The following FIRRM variants were observed in gnomAD, a reference collection of about 807,000 sequenced individuals.
The protein encoded by FIRRM is FIGNL1 interacting regulator of recombination and mitosis, also known as FIGNL1-interacting regulator of recombination and mitosis.
the FIRRM span, chr1:169,851,634 AG>A: frequency 1.4e-6 from 1 of 696,504 alleles, no homozygotes; most frequent in Non-Finnish European, 2.3e-6. Context: ...CTATTTTGTA[AG>A]GAAGAACACA....
At chr1:169,804,073 A>G in the FIRRM span, 1 of 1,451,768 alleles carries the variant, frequency 6.9e-7, no homozygotes, top group Non-Finnish European at 9.1e-7. Flanking sequence ...ATCCGTAATC[A>G]GAATAGTGAA....
At chr1:169,832,517 A>G in the FIRRM span, 8 of 1,596,044 alleles carry the variant, frequency 5.0e-6, no homozygotes, top group Admixed American at 1.3e-4. Context: ...GCAAGGAAGG[A>G]TATCATCTTT....
chr1:169,830,362 T>C, the FIRRM span: 1 of 1,602,804 alleles, frequency 6.2e-7, no homozygotes, highest in African/African-American at 1.3e-5. Flanking sequence ...TTTGCTTTTT[T>C]GTTCTTTGGA....
the FIRRM span, among the ~76,000 whole-genome samples, chr1:169,826,312 C>T: frequency 6.7e-6 from 1 of 150,280 alleles, no homozygotes; most frequent in Admixed American, 6.7e-5. Context: ...CCTCGCTTGC[C>T]TCGGCCTCCC....
the FIRRM span, among the ~76,000 whole-genome samples, chr1:169,797,838 G>A: frequency 1.3e-5 from 2 of 152,106 alleles, no homozygotes; most frequent in African/African-American, 4.8e-5. Flanking sequence ...CACCGTGCCC[G>A]GCCGGGTTAT....
At chr1:169,827,666 T>A in the FIRRM span, 2,955 of 1,608,242 alleles carry the variant, frequency 1.8e-3, 15 homozygotes, top group Middle Eastern at 4.8e-3. Flanking sequence ...CCTTTACGTA[T>A]TAATCAGATT....
At chr1:169,822,812 A>G in the FIRRM span, among the ~76,000 whole-genome samples, 4 of 151,930 alleles carry the variant, frequency 2.6e-5, no homozygotes, top group Admixed American at 6.6e-5. Flanking sequence ...CAACTTTTCT[A>G]TTTTACAGTT....
the FIRRM span, among the ~76,000 whole-genome samples, chr1:169,806,690 G>A: frequency 6.6e-6 from 1 of 152,134 alleles, no homozygotes; most frequent in Non-Finnish European, 1.5e-5. Flanking sequence ...TACTTTTCTT[G>A]TACTACCAGG....
the FIRRM span, among the ~76,000 whole-genome samples, chr1:169,848,814 G>A: frequency 3.3e-5 from 5 of 152,182 alleles, no homozygotes; most frequent in South Asian, 2.1e-4. Context: ...AGCAGAAATC[G>A]CAGTGCCTTC....
the FIRRM span, chr1:169,851,719 T>C: frequency 6.9e-7 from 1 of 1,458,966 alleles, no homozygotes; most frequent in African/African-American, 1.4e-5. Flanking sequence ...ATTTGCCTAG[T>C]ATGGTTGAAC....
At chr1:169,854,032 C>CTTTT in the FIRRM span, 2 of 560,712 alleles carry the variant, frequency 3.6e-6, no homozygotes, top group East Asian at 6.0e-5. Flanking sequence ...ATTTTAATCC[C>CTTTT]TTTTTTTTCT....
the FIRRM span, among the ~76,000 whole-genome samples, chr1:169,831,015 T>C: frequency 6.6e-6 from 1 of 152,224 alleles, no homozygotes; most frequent in African/African-American, 2.4e-5. Flanking sequence ...TTAATTGAAA[T>C]TACATTTAAA....
the FIRRM span, chr1:169,793,806 A>G: frequency 1.8e-5 from 18 of 1,010,724 alleles, no homozygotes; most frequent in Non-Finnish European, 2.3e-5. Flanking sequence ...GTTGGGCCCA[A>G]TTTCTCTTTA....
At chr1:169,831,207 T>C in the FIRRM span, among the ~76,000 whole-genome samples, 2 of 152,178 alleles carry the variant, frequency 1.3e-5, no homozygotes, top group Admixed American at 6.6e-5. Flanking sequence ...GCAAAAGAAG[T>C]CATGTTTTAT....
At chr1:169,799,305 A>G in the FIRRM span, among the ~76,000 whole-genome samples, 2 of 152,248 alleles carry the variant, frequency 1.3e-5, no homozygotes, top group East Asian at 1.9e-4. Flanking sequence ...AGTGTCATTT[A>G]GAAAATGCTT....
At chr1:169,823,280 AAAAC>A in the FIRRM span, 1 of 518,966 alleles carries the variant, frequency 1.9e-6, no homozygotes, top group African/African-American at 2.0e-5. Context: ...AAAAGAAAGA[AAAAC>A]AAATAATTTT....
At chr1:169,842,470 G>A in the FIRRM span, 3 of 1,613,772 alleles carry the variant, frequency 1.9e-6, no homozygotes, top group Non-Finnish European at 2.5e-6. Flanking sequence ...GTGAAGCTTT[G>A]GATACAGGAA....
chr1:169,820,125 A>G, the FIRRM span, among the ~76,000 whole-genome samples: 1 of 152,206 alleles, frequency 6.6e-6, no homozygotes, highest in Non-Finnish European at 1.5e-5. Flanking sequence ...ACATTTTTCA[A>G]CATGTGGTCT....
chr1:169,847,784 T>G, the FIRRM span: 12 of 1,606,162 alleles, frequency 7.5e-6, no homozygotes, highest in Non-Finnish European at 9.4e-6. Context: ...GGAAAACTTT[T>G]TATACCTGAA....
Sources: gnomAD v4.1 joint callset for allele counts (sites outside exome capture counted in the v4.1 genomes callset) on GRCh38, gnomAD v4.1.1 for gene constraint, MANE v1.5 for transcripts, NCBI Gene and HGNC (gene_info 2026-07-23, HGNC 2026-07-21) for gene names.